The following GDF1 variants were observed in gnomAD, a reference collection of about 807,000 sequenced individuals.
The protein encoded by GDF1 is embryonic growth/differentiation factor 1.
In GDF1, 8 loss-of-function variants were observed where a neutral mutation model predicts 7.4. The ratio of observed to expected loss-of-function variants is 1.09; its 90% confidence interval spans 0.64 to 1.96. The LOEUF (loss-of-function observed/expected upper bound fraction) is 1.96. Among genes scored for constraint, GDF1 ranks in the 30% most tolerant of loss-of-function variants. The pLI is 0.00. For missense variants in GDF1, 574 were observed against 551.5 expected (o/e 1.04, Z -0.41); for synonymous variants, 311 against 276.7 (o/e 1.12, Z -1.23).
At chr19:18,880,190 C>T in intron 4 of GDF1, 84 bp downstream of exon 4, 1 of 1,403,682 alleles carries the variant, frequency 7.1e-7, no homozygotes, top group Non-Finnish European at 9.5e-7. Flanking sequence ...CGCCTCCTTC[C>T]CTGCCTGGTC....
chr19:18,887,035 C>G (rs1046398163), intron 2 of GDF1, among the ~76,000 whole-genome samples: 1 of 152,220 alleles, frequency 6.6e-6, no homozygotes, highest in African/African-American at 2.4e-5. Flanking sequence ...CAATGGAAAA[C>G]GGGGACTCAA....
At position 18,870,088 on chromosome 19, in the gene GDF1, TCTC is replaced by T. The variant is rs1209682490; in HGVS notation, c.217_219del (p.Glu73del). The T allele has an allele frequency of 6.3e-7, 1 of 1,578,448 alleles. No homozygotes were observed. The highest frequency in any genetic ancestry group is 8.6e-7 in the Non-Finnish European group (1 of 1,167,006). On this transcript the variant is annotated inframe_deletion, in exon 7 of 8. Coordinates refer to ENST00000247005, the MANE Select transcript of GDF1 (RefSeq NM_001492.6). This position sits in a 1 kb window ranked among gnomAD's most constrained non-coding sequence, Gnocchi z 5.1. Reference sequence around the variant, plus strand: ...GACGTCCGCCGCGAGCCAGACCTGGTCTCCTGGGGGTCCCGGCGTCGAAACAGG... The same window carrying T: ...GACGTCCGCCGCGAGCCAGACCTGGTCTGGGGGTCCCGGCGTCGAAACAGG...
chr19:18,885,957 G>C (rs1271171055), intron 2 of GDF1, among the ~76,000 whole-genome samples: 1 of 152,072 alleles, frequency 6.6e-6, no homozygotes, highest in Non-Finnish European at 1.5e-5. Flanking sequence ...AGGGTCTCCC[G>C]CCAAGCGGGT....
intron 2 of GDF1, among the ~76,000 whole-genome samples, chr19:18,891,887 ATTCTC>A (rs1304630213): frequency 7.2e-6 from 1 of 138,548 alleles, no homozygotes; most frequent in Non-Finnish European, 1.5e-5. Flanking sequence ...CCCACTTCTC[ATTCTC>A]ATCTTTTTTT....
chr19:18,873,172 T>C (rs2056005006), intron 6 of GDF1, among the ~76,000 whole-genome samples: 1 of 152,148 alleles, frequency 6.6e-6, no homozygotes, highest in South Asian at 2.1e-4. Context: ...TTGACACTAG[T>C]CTATCACTAG....
At position 18,884,137 on chromosome 19, in the gene GDF1, C is replaced by A. The variant is rs763116442; in HGVS notation, c.-783G>T. 1 of 1,613,516 alleles carries A rather than the reference C, an allele frequency of 6.2e-7. No individual in the cohort carries two copies. Among genetic ancestry groups the A allele is most frequent in the Non-Finnish European group, 8.5e-7 (1 of 1,179,782 alleles). On this transcript the variant is annotated 5_prime_UTR_variant, in exon 3 of 8. Transcript: ENST00000247005. ...GGATGAGAGTGACCACGTGGTGGAG[C>A]AGCATGACCACCGAGTCCTTGCGCC...
At position 18,879,295 on chromosome 19, in the gene GDF1, G is replaced by A. The variant is rs754503898; in HGVS notation, c.-477C>T. On this transcript the variant is annotated 5_prime_UTR_variant, in exon 5 of 8. Transcript: ENST00000247005. ...GCAGCAGCAGGAGCGCATTGAAGAA[G>A]AAGTAGAAGGGGATGTCAGGCACCG... The A allele has an allele frequency of 1.7e-5, 28 of 1,613,152 alleles. No individual in the cohort carries two copies. The Admixed American group carries it at 2.2e-4, about 13-fold the overall frequency.
chr19:18,880,360 G>A lies in GDF1; in HGVS notation c.-657C>T. On this transcript the variant is annotated 5_prime_UTR_variant, in exon 4 of 8. Transcript: ENST00000247005. ...AGCCGCCGCGGGACTTGAAGTAAAT[G>A]TTGAGCTTGGTGAACTCAAGCTGCA... The A allele has an allele frequency of 6.4e-7, 1 of 1,570,570 alleles. No homozygotes were observed.
chr19:18,869,148 G>C lies in GDF1; in HGVS notation c.568C>G (p.Leu190Val). The C allele has an allele frequency of 8.9e-7, 1 of 1,121,452 alleles. No individual in the cohort carries two copies. Among genetic ancestry groups the C allele is most frequent in the African/African-American group, 1.7e-5 (1 of 59,622 alleles). The allele number at this position is 1,121,452 out of a possible 1,614,324, so 69.5% of individuals were successfully genotyped here. A position where few individuals can be genotyped will look rare whatever the true frequency, so the allele number is the denominator to read the frequency against. The change falls in exon 8 of 8, where the codon CTG becomes GTG. Residue 190 changes from leucine to valine, a missense_variant. Leu to Val is a conservative substitution (Grantham distance 32). Transcript: ENST00000247005. The part of the protein sequence containing the change: ...PVLLRQLVPA[L>V]GPPVRAELLG... ...AGCTCCGCGCGCACTGGCGGCCCCA[G>C]GGCGGGCACCAACTGGCGGAGCAGC... is the stretch of plus-strand genomic sequence containing the variant.
chr19:18,893,274 G>T, intron 2 of GDF1, 142 bp downstream of exon 2: 2 of 849,848 alleles, frequency 2.4e-6, no homozygotes, highest in Admixed American at 2.7e-5. Context: ...GAGTGCAGTG[G>T]CGTGCTCATA....
At chr19:18,884,898 T>C (rs1568302256) in intron 2 of GDF1, among the ~76,000 whole-genome samples, 1 of 150,630 alleles carries the variant, frequency 6.6e-6, no homozygotes, top group Non-Finnish European at 1.5e-5. Context: ...GTATTTTTAG[T>C]AGAGATGGGC....
Position 18,870,744 on chromosome 19 carries a change from G to A in GDF1, c.-312-125C>T, listed in dbSNP as rs529869366. The A allele has an allele frequency of 1.1e-4, 48 of 446,308 alleles. No individual in the cohort carries two copies. The highest frequency in any genetic ancestry group is 9.4e-4 in the African/African-American group (46 of 48,822). 27.6% of individuals were successfully genotyped at this position (446,308 alleles called of 1,614,324 possible). On this transcript the variant is annotated intron_variant, in intron 6 of 7. Transcript: ENST00000247005. This position sits in a 1 kb window ranked among gnomAD's most constrained non-coding sequence, Gnocchi z 5.1. ...TTTTACCCGGCCAGGCCCGGGCCTC[G>A]CCTTGTGGCTTCCTCCTCGCCTTCA...
At chr19:18,879,912 C>T (rs1441014082) in intron 4 of GDF1, among the ~76,000 whole-genome samples, 2 of 151,336 alleles carry the variant, frequency 1.3e-5, no homozygotes, top group African/African-American at 4.9e-5. Flanking sequence ...CCTAGCCCTA[C>T]CCCAACCCTG....
At position 18,868,806 on chromosome 19, in the gene GDF1, C is replaced by G. The variant is rs1409301380; in HGVS notation, c.910G>C (p.Val304Leu). 6.9e-7 allele frequency: 1 copy of G among 1,454,780 alleles called. No homozygotes were observed. Among genetic ancestry groups the G allele is most frequent in the Non-Finnish European group, 9.1e-7 (1 of 1,093,314 alleles). 90.1% of individuals were successfully genotyped at this position (1,454,780 alleles called of 1,614,324 possible). Reference sequence around the variant, plus strand: ...GGCCCCCCGGACCCCGACAGCGCGACGGGCAGCGCGCACTGACCCTGGCAG... The same window carrying G: ...GGCCCCCCGGACCCCGACAGCGCGAGGGGCAGCGCGCACTGACCCTGGCAG... ...NYCQGQCALPVALSGSGGPPA... is the reference protein window; with the variant it reads ...NYCQGQCALPLALSGSGGPPA... The change falls in exon 8 of 8, where the codon GTC becomes CTC. Residue 304 changes from valine to leucine, a missense_variant. Val to Leu is a conservative substitution (Grantham distance 32, BLOSUM62 1). Coordinates refer to ENST00000247005, the MANE Select transcript of GDF1 (RefSeq NM_001492.6).
At chr19:18,872,710 T>TAGTATA (rs2055996054) in intron 6 of GDF1, among the ~76,000 whole-genome samples, 1 of 45,102 alleles carries the variant, frequency 2.2e-5, no homozygotes, top group Non-Finnish European at 4.9e-5. Context: ...GAGATGCGGT[T>TAGTATA]TTACCATGTT....
At chr19:18,887,346 T>G (rs1375425937) in intron 2 of GDF1, among the ~76,000 whole-genome samples, 2 of 152,018 alleles carry the variant, frequency 1.3e-5, no homozygotes, top group Non-Finnish European at 2.9e-5. Flanking sequence ...TGCCAGGGGC[T>G]GGGGGAGAGG....
At position 18,878,741 on chromosome 19, in the gene GDF1, T is replaced by C; in HGVS notation, c.-313+189A>G. 7.2e-7 allele frequency: 1 copy of C among 1,396,928 alleles called. No individual in the cohort carries two copies. Among genetic ancestry groups the C allele is most frequent in the South Asian group, 1.5e-5 (1 of 65,834 alleles). The allele number at this position is 1,396,928 out of a possible 1,614,324, so 86.5% of individuals were successfully genotyped here. A position where few individuals can be genotyped will look rare whatever the true frequency, so the allele number is the denominator to read the frequency against. The stretch of plus-strand genomic sequence containing the variant: ...CCAGCCTCTCCCTCCCCTTCCTCAC[T>C]GTCCTGTCCTTCAGGGTACTGGCCA... On this transcript the variant is annotated intron_variant, in intron 6 of 7. Coordinates refer to ENST00000247005, the MANE Select transcript of GDF1 (RefSeq NM_001492.6). This position sits in a 1 kb window ranked among gnomAD's most constrained non-coding sequence, Gnocchi z 4.6.
chr19:18,880,229 A>G, intron 4 of GDF1, 45 bp downstream of exon 4: 1 of 1,495,674 alleles, frequency 6.7e-7, no homozygotes, highest in Non-Finnish European at 9.0e-7. Context: ...CACCCACCTC[A>G]CCAGGCCACA....
At chr19:18,884,375 T>A in intron 2 of GDF1, 108 bp from the exon 3 acceptor site, 2 of 1,004,264 alleles carry the variant, frequency 2.0e-6, no homozygotes, top group Middle Eastern at 3.2e-4. Context: ...AGTACCCAGG[T>A]AACCATGCGT....
Sources: gnomAD v4.1 joint callset for allele counts (sites outside exome capture counted in the v4.1 genomes callset) on GRCh38, gnomAD v4.1.1 for gene constraint, Gnocchi (gnomAD v3.1) non-coding constraint, MANE v1.5 for transcripts, NCBI Gene and HGNC (gene_info 2026-07-23, HGNC 2026-07-21) for gene names.